The following PRIM2 variants were observed in gnomAD, a reference collection of about 807,000 sequenced individuals.
PRIM2 encodes DNA primase large subunit.
PRIM2 carries 39 observed loss-of-function variants against 67.3 expected under a neutral mutation model. The observed-to-expected ratio is 0.58, with a 90% CI of 0.45 to 0.76. The LOEUF (loss-of-function observed/expected upper bound fraction) is 0.76, where lower values mean the gene tolerates loss of function less well. Among genes scored for constraint, PRIM2 ranks in the 30% least tolerant of loss-of-function variants. PRIM2 has a pLI of 0.00. For missense variants in PRIM2, 398 were observed against 598.7 expected (o/e 0.66, Z 3.50); for synonymous variants, 143 against 198.7 (o/e 0.72, Z 2.36).
chr6:57,336,541 T>TG (rs1272302971), intron 5 of PRIM2, among the ~76,000 whole-genome samples: 1 of 151,950 alleles, frequency 6.6e-6, no homozygotes, highest in Non-Finnish European at 1.5e-5. Flanking sequence ...CAGAAGAGAG[T>TG]GGGGGCCAAT....
chr6:57,405,356 G>A (rs1204565216), intron 7 of PRIM2, among the ~76,000 whole-genome samples: 6 of 150,332 alleles, frequency 4.0e-5, no homozygotes, highest in Non-Finnish European at 8.9e-5. Context: ...ACAGTGACTG[G>A]ACATTGTAAA....
intron 4 of PRIM2, among the ~76,000 whole-genome samples, chr6:57,324,880 T>C (rs975259520): frequency 6.6e-6 from 1 of 152,214 alleles, no homozygotes; most frequent in Non-Finnish European, 1.5e-5. Flanking sequence ...TATCCCAAGA[T>C]AATAATTGAG....
intron 7 of PRIM2, among the ~76,000 whole-genome samples, chr6:57,439,419 T>G (rs1451012883): frequency 8.1e-6 from 1 of 123,598 alleles, no homozygotes; most frequent in Non-Finnish European, 1.6e-5. Flanking sequence ...TTTTTTTTTT[T>G]TTTTTTTTTT....
At chr6:57,618,967 A>C (rs1169419707) in intron 12 of PRIM2, among the ~76,000 whole-genome samples, 1 of 152,230 alleles carries the variant, frequency 6.6e-6, no homozygotes, top group Non-Finnish European at 1.5e-5. Flanking sequence ...GAGGCCAACC[A>C]GCACAAAAAT....
At chr6:57,468,426 T>C (rs1773256528) in intron 7 of PRIM2, among the ~76,000 whole-genome samples, 1 of 152,208 alleles carries the variant, frequency 6.6e-6, no homozygotes, top group Non-Finnish European at 1.5e-5. Flanking sequence ...TGTGATGGAT[T>C]ACGTTTATTG....
intron 13 of PRIM2, among the ~76,000 whole-genome samples, chr6:57,635,156 A>G (rs1179065308): frequency 2.6e-5 from 4 of 152,176 alleles, no homozygotes; most frequent in African/African-American, 4.8e-5. Flanking sequence ...TGATAGTTCC[A>G]TATGGCTTTT....
At chr6:57,511,058 A>G (rs1774356598) in intron 8 of PRIM2, among the ~76,000 whole-genome samples, 1 of 152,176 alleles carries the variant, frequency 6.6e-6, no homozygotes, top group Non-Finnish European at 1.5e-5. Flanking sequence ...ATTTGCCAAT[A>G]AAACTAATTT....
At chr6:57,261,491 A>T in the PRIM2 span, among the ~76,000 whole-genome samples, 1 of 152,236 alleles carries the variant, frequency 6.6e-6, no homozygotes, top group Non-Finnish European at 1.5e-5. Context: ...ACAAGGAAAA[A>T]GTAATTCTCT....
chr6:57,270,513 T>C, the PRIM2 span, among the ~76,000 whole-genome samples: 1 of 152,192 alleles, frequency 6.6e-6, no homozygotes, highest in Non-Finnish European at 1.5e-5. Context: ...CTTATCAGCT[T>C]AAGGAGATTT....
intron 5 of PRIM2, among the ~76,000 whole-genome samples, chr6:57,379,582 T>C (rs1179164301): frequency 1.3e-5 from 2 of 152,190 alleles, no homozygotes; most frequent in African/African-American, 4.8e-5. Flanking sequence ...TTTTAGTCTA[T>C]ATTAACCTGA....
intron 7 of PRIM2, among the ~76,000 whole-genome samples, chr6:57,421,732 A>G (rs1040648393): frequency 5.1e-4 from 77 of 152,246 alleles, no homozygotes; most frequent in African/African-American, 1.9e-3. Context: ...GAGAAGCTTG[A>G]CTATTGGTGG....
At chr6:57,255,366 C>T in the PRIM2 span, among the ~76,000 whole-genome samples, 29 of 151,940 alleles carry the variant, frequency 1.9e-4, 1 homozygote, top group Admixed American at 9.2e-4. Context: ...GGCATGGTGG[C>T]GGGCACCTGT....
chr6:57,305,928 C>T, the PRIM2 span, among the ~76,000 whole-genome samples: 1 of 152,158 alleles, frequency 6.6e-6, no homozygotes, highest in African/African-American at 2.4e-5. Context: ...TAATCTGACA[C>T]ACAGCAATGA....
intron 7 of PRIM2, among the ~76,000 whole-genome samples, chr6:57,427,685 A>C (rs1771677205): frequency 6.6e-6 from 1 of 152,088 alleles, no homozygotes; most frequent in African/African-American, 2.4e-5. Flanking sequence ...TATAGTGATA[A>C]TTTTTTTGGG....
intron 5 of PRIM2, among the ~76,000 whole-genome samples, chr6:57,335,092 G>C (rs553010477): frequency 6.6e-6 from 1 of 151,016 alleles, no homozygotes; most frequent in Admixed American, 6.6e-5. Context: ...GTCAAAGAAA[G>C]GGGTGACAGA....
the PRIM2 span, among the ~76,000 whole-genome samples, chr6:57,293,580 C>T: frequency 6.6e-6 from 1 of 152,180 alleles, no homozygotes; most frequent in Non-Finnish European, 1.5e-5. Flanking sequence ...AGACTTGGAA[C>T]TAACCCACAT....
chr6:57,319,830 C>T (rs1767590699), intron 2 of PRIM2, among the ~76,000 whole-genome samples: 1 of 152,156 alleles, frequency 6.6e-6, no homozygotes, highest in Non-Finnish European at 1.5e-5. Context: ...TTTGGATACC[C>T]ATACCTGTGG....
chr6:57,450,629 T>TA (rs1282759193), intron 7 of PRIM2, among the ~76,000 whole-genome samples: 1 of 152,242 alleles, frequency 6.6e-6, no homozygotes, highest in Non-Finnish European at 1.5e-5. Flanking sequence ...GATTTAGAAT[T>TA]ACTACATTTG....
At chr6:57,226,484 T>G in the PRIM2 span, among the ~76,000 whole-genome samples, 1 of 151,816 alleles carries the variant, frequency 6.6e-6, no homozygotes, top group Non-Finnish European at 1.5e-5. Flanking sequence ...AGGAGTGAGG[T>G]GGAAAGCGGT....
Sources: gnomAD v4.1 joint callset for allele counts (sites outside exome capture counted in the v4.1 genomes callset) on GRCh38, gnomAD v4.1.1 for gene constraint, MANE v1.5 for transcripts, NCBI Gene and HGNC (gene_info 2026-07-23, HGNC 2026-07-21) for gene names.